The following CNTLN variants were observed in gnomAD, a reference collection of about 807,000 sequenced individuals.
CNTLN encodes centlein, centrosomal protein.
In CNTLN, 212 loss-of-function variants were observed where a neutral mutation model predicts 180.0. The observed-to-expected ratio is 1.18, with a 90% confidence interval of 1.05 to 1.32. The LOEUF (loss-of-function observed/expected upper bound fraction) is 1.32, where lower values mean the gene tolerates loss of function less well. Among genes scored for constraint, CNTLN ranks in the 40% most tolerant of loss-of-function variants. The pLI, the probability that CNTLN is intolerant of heterozygous loss-of-function variation, is 0.00. For synonymous variants in CNTLN, 722 were observed against 563.1 expected (o/e 1.28, Z -3.99); for missense variants, 2,095 against 1,610.9 (o/e 1.30, Z -5.14).
At chr9:17,340,689 A>C (rs1415597295) in intron 10 of CNTLN, 138 bp from the exon 11 acceptor site, 3 of 601,580 alleles carry the variant, frequency 5.0e-6, no homozygotes, top group Non-Finnish European at 7.6e-6. Context: ...TTTCTGCTTA[A>C]ATACATATTA....
chr9:17,338,995 T>C (rs1821268728), intron 10 of CNTLN, among the ~76,000 whole-genome samples: 2 of 152,218 alleles, frequency 1.3e-5, no homozygotes, highest in South Asian at 2.1e-4. Context: ...TATATTAAAC[T>C]ATCCTACTTT....
chr9:17,443,816 T>C (rs1321031992), intron 18 of CNTLN, among the ~76,000 whole-genome samples: 1 of 152,102 alleles, frequency 6.6e-6, no homozygotes, highest in Non-Finnish European at 1.5e-5. Context: ...AGTTATCTGC[T>C]ATATGGGCAA....
intron 15 of CNTLN, among the ~76,000 whole-genome samples, chr9:17,409,010 T>TA (rs1291598236): frequency 1.3e-5 from 2 of 152,162 alleles, no homozygotes; most frequent in Admixed American, 1.3e-4. Context: ...CTGGAAGTGT[T>TA]ACAACAATTG....
Position 17,330,618 on chromosome 9 carries a change from A to G in CNTLN, c.1342-14A>G, listed in dbSNP as rs761106758. On this transcript the variant is annotated splice_polypyrimidine_tract_variant and intron_variant, in intron 8 of 25. Coordinates refer to ENST00000380647, the MANE Select transcript of CNTLN (RefSeq NM_017738.4). Reference sequence around the variant, plus strand: ...AACATAGATATCTATTTACAATTATACTTTTTAAAATAGGTACCTCATCGC... The same window carrying G: ...AACATAGATATCTATTTACAATTATGCTTTTTAAAATAGGTACCTCATCGC... 9 of 1,465,742 alleles carry G rather than the reference A, an allele frequency of 6.1e-6. No individual in the cohort carries two copies. Among genetic ancestry groups the G allele is most frequent in the Non-Finnish European group, 7.4e-6 (8 of 1,081,244 alleles). 90.8% of individuals were successfully genotyped at this position (1,465,742 alleles called of 1,614,324 possible). A position where few individuals can be genotyped will look rare whatever the true frequency, so the allele number is the denominator to read the frequency against.
rs577865809 is a variant in CNTLN at position 17,303,800 on chromosome 9, A to G, written c.1147-5258A>G. 5.9e-5 allele frequency among the ~76,000 whole-genome samples: 9 copies of G among 152,292 alleles called. No homozygotes were observed. The East Asian group carries it at 1.7e-3, about 29-fold the overall frequency. On this transcript the variant is annotated intron_variant, in intron 7 of 25. Transcript: ENST00000380647. ...GATGAAATTATTTATTCAAAATTTC[A>G]AACATTTTCACATAGATTCATTTTA...
chr9:17,183,680 T>C (rs1821258246), intron 2 of CNTLN, among the ~76,000 whole-genome samples: 1 of 152,040 alleles, frequency 6.6e-6, no homozygotes, highest in Non-Finnish European at 1.5e-5. Context: ...CAAAAATAAA[T>C]GTTTCAAAGG....
At chr9:17,152,219 C>T (rs2131520264) in intron 2 of CNTLN, among the ~76,000 whole-genome samples, 1 of 152,174 alleles carries the variant, frequency 6.6e-6, no homozygotes, top group Non-Finnish European at 1.5e-5. Flanking sequence ...AATTTGTTTG[C>T]TGTTGCTTCT....
At chr9:17,201,274 G>C (rs1397979430) in intron 2 of CNTLN, among the ~76,000 whole-genome samples, 1 of 152,168 alleles carries the variant, frequency 6.6e-6, no homozygotes, top group African/African-American at 2.4e-5. Context: ...TGTTCATTAA[G>C]GACATTGGCC....
At chr9:17,170,454 C>T (rs1475969684) in intron 2 of CNTLN, among the ~76,000 whole-genome samples, 5 of 151,978 alleles carry the variant, frequency 3.3e-5, no homozygotes, top group Admixed American at 6.6e-5. Flanking sequence ...GTGGGTTCTC[C>T]TGATGGTGTT....
intron 12 of CNTLN, among the ~76,000 whole-genome samples, chr9:17,352,673 G>C (rs1244351261): frequency 1.3e-5 from 2 of 152,076 alleles, no homozygotes; most frequent in Non-Finnish European, 2.9e-5. Flanking sequence ...ACCACTGAAG[G>C]AGACCCCATG....
intron 2 of CNTLN, among the ~76,000 whole-genome samples, chr9:17,191,960 T>C (rs1821815468): frequency 6.6e-6 from 1 of 152,156 alleles, no homozygotes. Context: ...CTTACAGGTG[T>C]CTGCCCACTG....
intron 15 of CNTLN, among the ~76,000 whole-genome samples, chr9:17,399,232 T>C (rs1371305035): frequency 6.6e-6 from 1 of 152,214 alleles, no homozygotes; most frequent in Non-Finnish European, 1.5e-5. Context: ...GTGATACACA[T>C]GTTAATATAC....
chr9:17,321,911 C>T (rs570276902), intron 8 of CNTLN, among the ~76,000 whole-genome samples: 2 of 152,012 alleles, frequency 1.3e-5, no homozygotes, highest in South Asian at 2.1e-4. Flanking sequence ...TGTACAGGAT[C>T]AAAATAACTT....
intron 2 of CNTLN, among the ~76,000 whole-genome samples, chr9:17,213,502 C>T (rs563187279): frequency 1.1e-4 from 17 of 152,132 alleles, no homozygotes; most frequent in African/African-American, 2.4e-4. Flanking sequence ...GGAATAAGTG[C>T]GATGTGGTGC....
At chr9:17,425,496 C>A (rs1033930985) in intron 18 of CNTLN, among the ~76,000 whole-genome samples, 4 of 152,178 alleles carry the variant, frequency 2.6e-5, no homozygotes, top group African/African-American at 9.7e-5. Context: ...GTTCTTTTAG[C>A]AACCCAGTCT....
chr9:17,296,533 C>A (rs111748864), intron 6 of CNTLN, among the ~76,000 whole-genome samples: 4 of 151,998 alleles, frequency 2.6e-5, no homozygotes, highest in African/African-American at 9.7e-5. Context: ...TTTTAGGCCT[C>A]CTGGCTAACG....
chr9:17,297,132 G>T (rs1386923973), intron 6 of CNTLN, among the ~76,000 whole-genome samples: 1 of 152,150 alleles, frequency 6.6e-6, no homozygotes, highest in African/African-American at 2.4e-5. Flanking sequence ...GGTTGCATCT[G>T]TACTGAACGT....
At chr9:17,395,904 G>C (rs562475833) in intron 15 of CNTLN, among the ~76,000 whole-genome samples, 1 of 152,298 alleles carries the variant, frequency 6.6e-6, no homozygotes, top group South Asian at 2.1e-4. Context: ...AGATGGTTAA[G>C]GCATTCTAAG....
intron 8 of CNTLN, among the ~76,000 whole-genome samples, chr9:17,319,516 G>A (rs1819762428): frequency 6.6e-6 from 1 of 152,140 alleles, no homozygotes; most frequent in Non-Finnish European, 1.5e-5. Context: ...GCAGGATTTT[G>A]GGGGTGTTAT....
Sources: allele counts gnomAD v4.1 joint callset (sites outside exome capture counted in the v4.1 genomes callset), GRCh38; gene constraint gnomAD v4.1.1; transcripts MANE v1.5; gene names NCBI Gene and HGNC (gene_info 2026-07-23, HGNC 2026-07-21).